SPATA13: variants seen among roughly 807,000 people sequenced by gnomAD.
SPATA13 encodes the protein spermatogenesis associated 13.
SPATA13 carries 50 observed loss-of-function variants against 104.0 expected under a neutral mutation model. The observed-to-expected ratio is 0.48, with a 90% CI of 0.38 to 0.61. SPATA13 has a LOEUF of 0.61. Among genes scored for constraint, SPATA13 ranks in the 20% least tolerant of loss-of-function variants. The pLI is 0.00. For synonymous variants in SPATA13, 606 were observed against 667.5 expected (o/e 0.91, Z 1.42); for missense variants, 1,524 against 1,690.6 (o/e 0.90, Z 1.73).
At chr13:24,257,358 CAA>C (rs1282620716) in intron 4 of SPATA13, among the ~76,000 whole-genome samples, 1 of 152,018 alleles carries the variant, frequency 6.6e-6, no homozygotes, top group East Asian at 1.9e-4. Flanking sequence ...AGACCCCTTT[CAA>C]AAAAAGATAC....
At chr13:24,221,841 C>T (rs1219277659) in intron 1 of SPATA13, among the ~76,000 whole-genome samples, 2 of 142,568 alleles carry the variant, frequency 1.4e-5, no homozygotes, top group Non-Finnish European at 3.0e-5. Context: ...CGGAGTCTCA[C>T]TCACTCTGTC....
chr13:24,171,883 A>G (rs1001442286), intron 1 of SPATA13, among the ~76,000 whole-genome samples: 1 of 152,232 alleles, frequency 6.6e-6, no homozygotes, highest in African/African-American at 2.4e-5. Flanking sequence ...AAGGCAGTAT[A>G]TAATTGTATC....
At chr13:24,095,468 A>G (rs1467559527) in intron 3 of SPATA13, among the ~76,000 whole-genome samples, 1 of 152,188 alleles carries the variant, frequency 6.6e-6, no homozygotes. Context: ...TAGTTAGGGA[A>G]GGTGAAAAGG....
intron 3 of SPATA13, among the ~76,000 whole-genome samples, chr13:24,084,540 T>C (rs1374159547): frequency 9.6e-5 from 1 of 10,418 alleles, no homozygotes; most frequent in Non-Finnish European, 4.9e-3. Context: ...TTCTGGTTTT[T>C]CTTAAAAAAA....
intron 3 of SPATA13, among the ~76,000 whole-genome samples, chr13:24,060,047 A>G (rs1238109230): frequency 6.6e-6 from 1 of 152,354 alleles, no homozygotes; most frequent in East Asian, 1.9e-4. Flanking sequence ...AGAAGTTCCA[A>G]TGACATTCTT....
At chr13:24,249,342 A>G in intron 2 of SPATA13, 135 bp from the exon 3 acceptor site, 1 of 1,142,398 alleles carries the variant, frequency 8.8e-7, no homozygotes, top group Non-Finnish European at 1.2e-6. Context: ...CTAGTACACA[A>G]ATAACTGTTT....
chr13:24,062,178 C>T (rs1346554584), intron 3 of SPATA13, among the ~76,000 whole-genome samples: 6 of 152,340 alleles, frequency 3.9e-5, no homozygotes, highest in Admixed American at 3.9e-4. Context: ...CTACTGTGAC[C>T]TCTGGTACAG....
chr13:24,287,880 G>T (rs1055486369), intron 7 of SPATA13, among the ~76,000 whole-genome samples: 1 of 152,106 alleles, frequency 6.6e-6, no homozygotes, highest in Admixed American at 6.6e-5. Context: ...TGCTCATTAC[G>T]GCTCTCCTAG....
At chr13:24,139,078 G>C (rs1317215058) in intron 3 of SPATA13, among the ~76,000 whole-genome samples, 1 of 152,204 alleles carries the variant, frequency 6.6e-6, no homozygotes, top group Admixed American at 6.5e-5. Flanking sequence ...TGCTCTGACA[G>C]CTCCGGGGGT....
intron 1 of SPATA13, among the ~76,000 whole-genome samples, chr13:24,165,697 G>T (rs994851849): frequency 6.6e-6 from 1 of 152,188 alleles, no homozygotes; most frequent in Non-Finnish European, 1.5e-5. Context: ...GGGGCAGGAG[G>T]CTGGCAATGA....
chr13:24,174,546 T>G (rs929942977), intron 1 of SPATA13, among the ~76,000 whole-genome samples: 1 of 152,088 alleles, frequency 6.6e-6, no homozygotes, highest in African/African-American at 2.4e-5. Context: ...TTCAGTTAAA[T>G]ATATGATTAA....
intron 4 of SPATA13, among the ~76,000 whole-genome samples, chr13:24,275,826 C>T (rs1302784953): frequency 5.9e-5 from 9 of 152,188 alleles, no homozygotes; most frequent in African/African-American, 2.2e-4. Context: ...CTCAGCTACT[C>T]GGTAGTCTTA....
At position 24,297,566 on chromosome 13, in the gene SPATA13, G is replaced by A; in HGVS notation, c.3414G>A (p.Gly1138=). Residue 1138 remains glycine, a synonymous_variant, in exon 11 of 13, where the codon GGG becomes GGA. Transcript: ENST00000382108. ...ATGAGATGGAGCTTGTGGACCTGGG[G>A]GATGGGCGCGACAAGGACTGCAACC... The part of the protein sequence containing the change: ...DMDEMELVDL[G]DGRDKDCNLS... 6.2e-6 allele frequency: 10 copies of A among 1,614,226 alleles called. No homozygotes were observed. Among genetic ancestry groups the A allele is most frequent in the Non-Finnish European group, 8.5e-6 (10 of 1,180,044 alleles).
chr13:24,198,176 G>T (rs1463553813), intron 1 of SPATA13, among the ~76,000 whole-genome samples: 1 of 152,088 alleles, frequency 6.6e-6, no homozygotes, highest in South Asian at 2.1e-4. Flanking sequence ...TATATTTTTA[G>T]TAGAGACGGG....
chr13:24,198,595 G>T (rs1195266189), intron 1 of SPATA13, among the ~76,000 whole-genome samples: 1 of 152,172 alleles, frequency 6.6e-6, no homozygotes, highest in Non-Finnish European at 1.5e-5. Flanking sequence ...CATTCTTGTG[G>T]CAGTTTACAT....
Position 24,014,342 on chromosome 13 carries a change from C to A in SPATA13, c.-146-3325C>A, listed in dbSNP as rs979247165. On this transcript the variant is annotated intron_variant, in intron 2 of 14. Transcript: ENST00000424834. ...CAACTCGGGGGCACCAACACACCCCCCTTCCCCCATGCAGAAATGGCCCCA... is the reference window on the plus strand; with the variant it reads ...CAACTCGGGGGCACCAACACACCCCACTTCCCCCATGCAGAAATGGCCCCA... Among the ~76,000 whole-genome samples, 3 of 152,134 alleles carry A rather than the reference C, an allele frequency of 2.0e-5. No homozygotes were observed. In the South Asian group the frequency reaches 6.2e-4, roughly 31 times the overall value.
intron 3 of SPATA13, among the ~76,000 whole-genome samples, chr13:24,058,126 C>A (rs1878634214): frequency 6.6e-6 from 1 of 151,816 alleles, no homozygotes; most frequent in Non-Finnish European, 1.5e-5. Context: ...ATTTATTTAC[C>A]TTTACATAAT....
intron 1 of SPATA13, among the ~76,000 whole-genome samples, chr13:24,194,545 A>C (rs1453781904): frequency 6.6e-6 from 1 of 152,120 alleles, no homozygotes; most frequent in African/African-American, 2.4e-5. Context: ...TTATTTTACA[A>C]CTTCTGAATC....
chr13:24,157,228 G>A (rs1303428592), upstream of SPATA13, among the ~76,000 whole-genome samples: 4 of 152,152 alleles, frequency 2.6e-5, no homozygotes, highest in East Asian at 5.8e-4. Context: ...TAATAAATCA[G>A]GTTATTCTAT....
Sources: allele counts gnomAD v4.1 joint callset (sites outside exome capture counted in the v4.1 genomes callset), GRCh38; gene constraint gnomAD v4.1.1; transcripts MANE v1.5; gene names NCBI Gene and HGNC (gene_info 2026-07-23, HGNC 2026-07-21).